Variants in FAM171B observed in about 807,000 individuals in gnomAD.
FAM171B encodes the protein protein FAM171B.
A neutral mutation model predicts 75.6 loss-of-function variants in FAM171B; 19 were observed. That is an observed-to-expected ratio of 0.25 (90% CI 0.18 to 0.37). The LOEUF (loss-of-function observed/expected upper bound fraction) is 0.37, where lower values mean the gene tolerates loss of function less well. FAM171B is among the 10% of genes least tolerant of loss of function. The probability of loss-of-function intolerance (pLI) is 1.00; values close to 1 mark genes in which losing one functional copy is unlikely to be tolerated. For missense variants in FAM171B, 848 were observed against 982.4 expected, an observed-to-expected ratio of 0.86 and a Z score of 1.83; for synonymous variants, 367 against 361.7, an observed-to-expected ratio of 1.01 and a Z score of -0.17.
Position 186,751,202 on chromosome 2 carries a change from C to G in FAM171B, c.793C>G (p.Leu265Val). Residue 265 changes from leucine (L) to valine (V), a missense_variant, in exon 5 of 8, where the codon CTA becomes GTA. Physicochemically the swap from Leu to Val is conservative, Grantham distance 32. This residue lies in a region of FAM171B where 665 missense variants were observed against 729.0 expected (regional missense o/e 0.91). Coordinates refer to ENST00000304698, the MANE Select transcript of FAM171B (RefSeq NM_177454.4). ...CVKIYSGGKE[L>V]KVNGSIQVSL... is the part of the protein sequence containing the mutation. Reference sequence around the variant, plus strand: ...GAAAATATATTCTGGAGGAAAAGAACTAAAGGTCAATGGCTCTATTCAAGT... The same window carrying G: ...GAAAATATATTCTGGAGGAAAAGAAGTAAAGGTCAATGGCTCTATTCAAGT... 2 of 1,611,866 alleles carry G rather than the reference C, an allele frequency of 1.2e-6. No homozygotes were observed. The highest frequency in any genetic ancestry group is 2.2e-5 in the East Asian group (1 of 44,794).
At chr2:186,699,522 T>C (rs1023209810) in intron 1 of FAM171B, among the ~76,000 whole-genome samples, 11 of 152,274 alleles carry the variant, frequency 7.2e-5, no homozygotes, top group African/African-American at 2.4e-4. Context: ...TATATTCTGG[T>C]TATTAATCCC....
rs532914730 is a variant in FAM171B at position 186,722,580 on chromosome 2, A to G, written c.239-17648A>G. Among the ~76,000 whole-genome samples, 14 of 152,336 alleles carry G rather than the reference A, an allele frequency of 9.2e-5. No homozygotes were observed. In the South Asian group the frequency reaches 1.7e-3, roughly 18 times the overall value. ...TCAAGTTTTGAATGCATGAAACACC[A>G]TGCATTCATGTAGTAAATGAATGTT... On this transcript the variant is annotated intron_variant, in intron 1 of 7. Coordinates refer to ENST00000304698, the MANE Select transcript of FAM171B (RefSeq NM_177454.4).
intron 1 of FAM171B, among the ~76,000 whole-genome samples, chr2:186,714,142 A>C (rs1321319738): frequency 1.3e-5 from 2 of 148,442 alleles, no homozygotes; most frequent in Non-Finnish European, 3.0e-5. Context: ...TTTAATACTT[A>C]CCTCAAAGGA....
intron 1 of FAM171B, among the ~76,000 whole-genome samples, chr2:186,712,108 A>G (rs1028957352): frequency 6.6e-6 from 1 of 152,086 alleles, no homozygotes; most frequent in African/African-American, 2.4e-5. Flanking sequence ...TGTTATGAAT[A>G]TATATATTAA....
intron 1 of FAM171B, among the ~76,000 whole-genome samples, chr2:186,721,308 T>G (rs1273734365): frequency 1.3e-5 from 2 of 152,262 alleles, no homozygotes; most frequent in Admixed American, 6.5e-5. Context: ...TAGCCAGGGT[T>G]GAGAATTGCT....
chr2:186,728,072 T>A (rs1404426872), intron 1 of FAM171B, among the ~76,000 whole-genome samples: 1 of 152,112 alleles, frequency 6.6e-6, no homozygotes, highest in Non-Finnish European at 1.5e-5. Flanking sequence ...CACAGAAAAG[T>A]CAGATCATGA....
rs1559078591 is a variant in FAM171B at position 186,694,788 on chromosome 2, CA to C, written c.238+378del. Among the ~76,000 whole-genome samples the C allele has an allele frequency of 6.7e-3, 942 of 139,612 alleles. 17 individuals carry two copies. Among genetic ancestry groups the C allele is most frequent in the African/African-American group, 0.023 (901 of 39,058 alleles). 91.6% of individuals were successfully genotyped at this position (139,612 alleles called of 152,430 possible). On this transcript the variant is annotated intron_variant, in intron 1 of 7. Transcript: ENST00000304698. ...ACACACACACACACACACACACACA[CA>C]CACACCGTTCTTAAATCCCTTAAAC...
At chr2:186,741,189 G>A (rs890534203) in intron 2 of FAM171B, among the ~76,000 whole-genome samples, 6 of 152,122 alleles carry the variant, frequency 3.9e-5, no homozygotes, top group Admixed American at 1.3e-4. Context: ...ATATATTTTG[G>A]TTAACTATTT....
At chr2:186,704,631 C>T (rs1014631517) in intron 1 of FAM171B, among the ~76,000 whole-genome samples, 4 of 152,066 alleles carry the variant, frequency 2.6e-5, no homozygotes, top group African/African-American at 9.7e-5. Flanking sequence ...TGCTGATTTC[C>T]TTCATAGCAA....
intron 1 of FAM171B, among the ~76,000 whole-genome samples, chr2:186,707,557 A>G (rs1470097337): frequency 6.6e-6 from 1 of 152,148 alleles, no homozygotes; most frequent in Non-Finnish European, 1.5e-5. Context: ...TTAAGTACAC[A>G]TTAGTTACAT....
At chr2:186,729,102 C>A (rs1441077512) in intron 1 of FAM171B, among the ~76,000 whole-genome samples, 1 of 152,122 alleles carries the variant, frequency 6.6e-6, no homozygotes, top group Non-Finnish European at 1.5e-5. Flanking sequence ...TTGTAACCAT[C>A]TGCTAAATAG....
chr2:186,702,301 G>A (rs76085110), intron 1 of FAM171B, among the ~76,000 whole-genome samples: 2,607 of 152,274 alleles, frequency 0.017, 26 homozygotes, highest in Non-Finnish European at 0.028. Context: ...ACAATTTTAA[G>A]TACTTGTGTA....
Position 186,743,520 on chromosome 2 carries a change from C to G in FAM171B, c.510C>G (p.Ser170Arg). Residue 170 changes from serine to arginine, a missense_variant, in exon 3 of 8, where the codon AGC becomes AGG. Around this residue, in one of 3 missense-constraint regions of FAM171B, gnomAD observed 665 missense variants for 729.0 expected, o/e 0.91. Coordinates refer to ENST00000304698, the MANE Select transcript of FAM171B (RefSeq NM_177454.4). ...SSVTLSLFPQ[S>R]QANIWLFEDT... ...TTACACTTTCACTGTTCCCGCAAAG[C>G]CAAGCAAATATATGGCTATTTGAAG... 1.2e-6 allele frequency: 2 copies of G among 1,613,132 alleles called. No individual in the cohort carries two copies. The highest frequency in any genetic ancestry group is 1.7e-6 in the Non-Finnish European group (2 of 1,179,290).
rs557975093 is a variant in FAM171B, at chr2:186,738,501, G to A, written c.239-1727G>A. On this transcript the variant is annotated intron_variant, in intron 1 of 7. Coordinates refer to ENST00000304698, the MANE Select transcript of FAM171B (RefSeq NM_177454.4). ...CATGGGTCTTCTTGGAAAAAGAACC[G>A]TTCAGTTGGTTAAAAGGCATCATCC... Among the ~76,000 whole-genome samples the A allele has an allele frequency of 9.9e-5, 15 of 152,194 alleles. No individual in the cohort carries two copies. In the South Asian group the frequency reaches 1.0e-3, roughly 11 times the overall value.
At chr2:186,711,944 T>A (rs1208369032) in intron 1 of FAM171B, among the ~76,000 whole-genome samples, 1 of 152,214 alleles carries the variant, frequency 6.6e-6, no homozygotes, top group East Asian at 1.9e-4. Flanking sequence ...AGGTCATTTT[T>A]AAATTAGTTT....
intron 1 of FAM171B, among the ~76,000 whole-genome samples, chr2:186,710,281 G>T (rs1000251620): frequency 6.6e-6 from 1 of 152,188 alleles, no homozygotes; most frequent in East Asian, 1.9e-4. Flanking sequence ...CTTGTGTGGT[G>T]TGTTGTCTTT....
intron 6 of FAM171B, among the ~76,000 whole-genome samples, chr2:186,758,784 A>G (rs1690571887): frequency 6.6e-6 from 1 of 152,146 alleles, no homozygotes; most frequent in African/African-American, 2.4e-5. Context: ...TAATAATCAC[A>G]TCAACATAAA....
rs535912831 is a variant in FAM171B, at chr2:186,694,513, C to T, written c.238+102C>T. Reference sequence around the variant, plus strand: ...TTCCCTATCCATTCCTATCCTCGTTCGTTCCTGTCACCATCCCTCCCGATC... The same window carrying T: ...TTCCCTATCCATTCCTATCCTCGTTTGTTCCTGTCACCATCCCTCCCGATC... On this transcript the variant is annotated intron_variant, in intron 1 of 7. Transcript: ENST00000304698. The T allele has an allele frequency of 2.4e-4, 345 of 1,420,000 alleles. No homozygotes were observed. In the African/African-American group the frequency reaches 4.6e-3, roughly 19 times the overall value. The allele number at this position is 1,420,000 out of a possible 1,614,324, so 88.0% of individuals were successfully genotyped here.
At chr2:186,760,046 C>T (rs772103244) in intron 6 of FAM171B, among the ~76,000 whole-genome samples, 5 of 152,086 alleles carry the variant, frequency 3.3e-5, no homozygotes, top group Non-Finnish European at 1.5e-5. Context: ...AGAGACTGTC[C>T]TTTCCCCAAT....
Sources: allele counts gnomAD v4.1 joint callset (sites outside exome capture counted in the v4.1 genomes callset), GRCh38; gene constraint gnomAD v4.1.1; regional missense constraint gnomAD v4.1.1; transcripts MANE v1.5; gene names NCBI Gene and HGNC (gene_info 2026-07-23, HGNC 2026-07-21).